The following UNC80 variants were observed in gnomAD, a reference collection of about 807,000 sequenced individuals.
The protein encoded by UNC80 is unc-80 subunit of NALCN channel complex, also known as protein unc-80 homolog.
In UNC80, 164 loss-of-function variants were observed where a neutral mutation model predicts 384.6. The observed-to-expected ratio is 0.43, with a 90% CI of 0.38 to 0.49. UNC80 has a LOEUF of 0.49. Among genes scored for constraint, UNC80 ranks in the 20% least tolerant of loss-of-function variants. The probability of loss-of-function intolerance (pLI) is 0.00; values close to 1 mark genes in which losing one functional copy is unlikely to be tolerated. For missense variants in UNC80, 3,330 were observed against 4,143.0 expected (o/e 0.80, Z 5.39); for synonymous variants, 1,486 against 1,527.8 (o/e 0.97, Z 0.64).
At chr2:209,786,216 C>T (rs373390949) in intron 5 of UNC80, 27 bp downstream of exon 5, 2 of 1,603,162 alleles carry the variant, frequency 1.2e-6, no homozygotes, top group Non-Finnish European at 1.7e-6. Context: ...CTCAGTAGGA[C>T]AGTATTAGCA....
rs553850323 is a variant in UNC80, at chr2:209,815,168, C to T, written c.1201-89C>T. 50 of 1,323,450 alleles carry T rather than the reference C, an allele frequency of 3.8e-5. No individual in the cohort carries two copies. In the East Asian group the frequency reaches 9.1e-4, roughly 24 times the overall value. 82.0% of individuals were successfully genotyped at this position (1,323,450 alleles called of 1,614,324 possible). A position where few individuals can be genotyped will look rare whatever the true frequency, so the allele number is the denominator to read the frequency against. Reference sequence around the variant, plus strand: ...TGTTCAAAGATGTCAAAGCTATAGGCGCATCCCTATTAAAAATGTGACATT... The same window carrying T: ...TGTTCAAAGATGTCAAAGCTATAGGTGCATCCCTATTAAAAATGTGACATT... On this transcript the variant is annotated intron_variant, in intron 8 of 64. Coordinates refer to ENST00000673920, the MANE Select transcript of UNC80 (RefSeq NM_001371986.1).
chr2:209,885,375 C>G (rs189520756), intron 25 of UNC80, among the ~76,000 whole-genome samples: 1 of 152,228 alleles, frequency 6.6e-6, no homozygotes, highest in African/African-American at 2.4e-5. Flanking sequence ...CTCTGATGAA[C>G]CTTCTTGGAA....
intron 59 of UNC80, among the ~76,000 whole-genome samples, chr2:209,979,126 C>G (rs1232953557): frequency 5.4e-4 from 82 of 152,116 alleles, no homozygotes; most frequent in Non-Finnish European, 7.4e-5. Flanking sequence ...GTGTGCACCT[C>G]CAGTCCCAGC....
intron 13 of UNC80, among the ~76,000 whole-genome samples, chr2:209,825,642 C>G (rs1034071697): frequency 2.0e-5 from 3 of 152,156 alleles, no homozygotes; most frequent in Non-Finnish European, 4.4e-5. Flanking sequence ...GATATAAAAG[C>G]ATGTCTTCTA....
chr2:209,777,823 G>A (rs2076949851), intron 4 of UNC80, among the ~76,000 whole-genome samples: 1 of 152,134 alleles, frequency 6.6e-6, no homozygotes, highest in South Asian at 2.1e-4. Context: ...AGAATAAAAG[G>A]TCAAGCATGA....
At chr2:209,988,105 T>G (rs2093325112) in intron 61 of UNC80, among the ~76,000 whole-genome samples, 1 of 152,176 alleles carries the variant, frequency 6.6e-6, no homozygotes, top group Non-Finnish European at 1.5e-5. Flanking sequence ...TAAACAATAA[T>G]CTTTTATTGA....
In UNC80 at chr2:209,771,841, G is replaced by A. The variant is rs1023134467; in HGVS notation, c.-232G>A. Among the ~76,000 whole-genome samples the A allele has an allele frequency of 6.6e-6, 1 of 152,070 alleles. No individual in the cohort carries two copies. Among genetic ancestry groups the A allele is most frequent in the Non-Finnish European group, 1.5e-5 (1 of 68,010 alleles). On this transcript the variant is annotated 5_prime_UTR_variant, in exon 1 of 65. Transcript: ENST00000673920. ...GGCGAGGCGGACCGCTGCTCCGAGC[G>A]CCCCCCTCCTCGCTCCGCGGCTCCT...
intron 22 of UNC80, among the ~76,000 whole-genome samples, chr2:209,854,997 G>A (rs987224498): frequency 9.9e-5 from 15 of 152,116 alleles, no homozygotes; most frequent in Non-Finnish European, 5.9e-5. Flanking sequence ...ACATGCACAC[G>A]TATGTTTATT....
At chr2:209,849,283 G>A (rs565620661) in intron 21 of UNC80, among the ~76,000 whole-genome samples, 168 bp from the exon 22 acceptor site, 6 of 152,240 alleles carry the variant, frequency 3.9e-5, no homozygotes, top group Admixed American at 2.0e-4. Context: ...AAGTCAGGAT[G>A]TGTTTAAATC....
intron 4 of UNC80, among the ~76,000 whole-genome samples, chr2:209,782,207 A>T (rs1267776915): frequency 6.6e-6 from 1 of 152,214 alleles, no homozygotes; most frequent in African/African-American, 2.4e-5. Context: ...TAATTTGTTA[A>T]TTTCTCGTCA....
chr2:209,954,504 T>C, intron 48 of UNC80: 1 of 325,418 alleles, frequency 3.1e-6, no homozygotes. Context: ...ATATTCTTAC[T>C]ATCATTGCTA....
rs2153827284 is a variant in UNC80 at position 209,813,625 on chromosome 2, C to T, written c.984C>T (p.Thr328=). 1.3e-6 allele frequency: 2 copies of T among 1,551,862 alleles called. No individual in the cohort carries two copies. The highest frequency in any genetic ancestry group is 1.7e-6 in the Non-Finnish European group (2 of 1,147,034). Residue 328 remains threonine (T), a synonymous_variant, in exon 8 of 65, where the codon ACC becomes ACT. Coordinates refer to ENST00000673920, the MANE Select transcript of UNC80 (RefSeq NM_001371986.1). The part of the protein sequence containing the change: ...IPPCQRSRYA[T]YFDVAVLRCL... ...CGTGCCAAAGGTCCCGCTATGCCAC[C>T]TACTTTGACGTTGCTGTTCTGCGCT...
intron 26 of UNC80, among the ~76,000 whole-genome samples, chr2:209,889,566 A>G (rs973541267): frequency 2.0e-5 from 3 of 152,074 alleles, no homozygotes; most frequent in Non-Finnish European, 4.4e-5. Context: ...ATAGGTATAG[A>G]CGTGCTGTGG....
chr2:209,950,177 C>T (rs559668777), intron 47 of UNC80, among the ~76,000 whole-genome samples: 7 of 152,068 alleles, frequency 4.6e-5, no homozygotes, highest in African/African-American at 1.7e-4. Context: ...AATTTATACA[C>T]AAAACTGTAA....
At chr2:209,831,680 G>C in intron 16 of UNC80, 89 bp downstream of exon 16, 1 of 1,327,848 alleles carries the variant, frequency 7.5e-7, no homozygotes, top group Non-Finnish European at 9.8e-7. Flanking sequence ...AAGAGAAGCT[G>C]AAATCTAAAA....
chr2:209,896,214 T>A, intron 27 of UNC80, 99 bp from the exon 28 acceptor site: 3 of 1,063,686 alleles, frequency 2.8e-6, no homozygotes, highest in Non-Finnish European at 4.3e-6. Context: ...GCCATGGTAG[T>A]CTGCCCTAGG....
chr2:209,797,372 A>G (rs2078229534), intron 7 of UNC80, among the ~76,000 whole-genome samples: 2 of 151,990 alleles, frequency 1.3e-5, no homozygotes, highest in Admixed American at 1.3e-4. Context: ...CCTCCTCTGT[A>G]TCCATGTGTT....
At chr2:209,968,947 C>T (rs945462807) in intron 52 of UNC80, 4 of 152,174 alleles carry the variant, frequency 2.6e-5, no homozygotes, top group East Asian at 1.9e-4. Flanking sequence ...CTGAACCTGA[C>T]CTGCATATTA....
At position 209,921,660 on chromosome 2, in the gene UNC80, C is replaced by T. The variant is rs752809115; in HGVS notation, c.5504C>T (p.Thr1835Met). 1.9e-5 allele frequency: 29 copies of T among 1,550,974 alleles called. No homozygotes were observed. The highest frequency in any genetic ancestry group is 3.3e-4 in the Middle Eastern group (2 of 5,994). Residue 1835 changes from threonine (T) to methionine (M), a missense_variant, in exon 34 of 65, where the codon ACG becomes ATG. Transcript: ENST00000673920. Reference sequence around the variant, plus strand: ...GAGGCTTGCTATGAGCCCACATGCACGCCCAACTCAGAACCGGAAGAAGAA... The same window carrying T: ...GAGGCTTGCTATGAGCCCACATGCATGCCCAACTCAGAACCGGAAGAAGAA... ...TQEACYEPTC[T>M]PNSEPEEEVE...
Sources: gnomAD v4.1 joint callset for allele counts (sites outside exome capture counted in the v4.1 genomes callset) on GRCh38, gnomAD v4.1.1 for gene constraint, MANE v1.5 for transcripts, NCBI Gene and HGNC (gene_info 2026-07-23, HGNC 2026-07-21) for gene names.